Variants in PELI2 observed in about 807,000 individuals in gnomAD.
PELI2 encodes E3 ubiquitin-protein ligase pellino homolog 2.
PELI2 carries 23 observed loss-of-function variants against 42.3 expected under a neutral mutation model. That is an observed-to-expected ratio of 0.54 (90% CI 0.39 to 0.77). The LOEUF (loss-of-function observed/expected upper bound fraction) is 0.77. Among genes scored for constraint, PELI2 ranks in the 30% least tolerant of loss-of-function variants. The pLI is 0.00. For missense variants in PELI2, 463 were observed against 553.2 expected (o/e 0.84, Z 1.64); for synonymous variants, 245 against 212.2 (o/e 1.15, Z -1.34).
intron 2 of PELI2, among the ~76,000 whole-genome samples, chr14:56,239,190 T>C (rs1887893247): frequency 6.6e-6 from 1 of 152,246 alleles, no homozygotes; most frequent in African/African-American, 2.4e-5. Flanking sequence ...TGATATTTAT[T>C]GCCTGTCTTG....
chr14:56,281,165 T>A (rs901313442), intron 3 of PELI2, among the ~76,000 whole-genome samples: 1 of 152,118 alleles, frequency 6.6e-6, no homozygotes, highest in Non-Finnish European at 1.5e-5. Flanking sequence ...CTAACTTCAG[T>A]CATTTTTATA....
At chr14:56,270,583 A>T (rs1276657516) in intron 2 of PELI2, among the ~76,000 whole-genome samples, 1 of 152,240 alleles carries the variant, frequency 6.6e-6, no homozygotes, top group African/African-American at 2.4e-5. Context: ...TACAGTCAAT[A>T]TCTAGCATAT....
At chr14:56,157,829 A>C (rs982706973) in intron 1 of PELI2, among the ~76,000 whole-genome samples, 4 of 152,220 alleles carry the variant, frequency 2.6e-5, no homozygotes, top group African/African-American at 9.6e-5. Flanking sequence ...AGGAAAAGAC[A>C]CTGGAAGTAA....
At chr14:56,267,221 AATGT>A (rs1888939387) in intron 2 of PELI2, among the ~76,000 whole-genome samples, 2 of 152,236 alleles carry the variant, frequency 1.3e-5, no homozygotes, top group Admixed American at 1.3e-4. Flanking sequence ...AGAGATTATG[AATGT>A]TATAGTAATC....
chr14:56,228,162 C>A (rs1033422275), intron 2 of PELI2, among the ~76,000 whole-genome samples: 4 of 152,296 alleles, frequency 2.6e-5, no homozygotes, highest in Admixed American at 2.6e-4. Flanking sequence ...AGAACAATAG[C>A]CATGTATAAA....
intron 3 of PELI2, among the ~76,000 whole-genome samples, chr14:56,280,916 A>G (rs1248872641): frequency 6.6e-6 from 1 of 152,174 alleles, no homozygotes; most frequent in Non-Finnish European, 1.5e-5. Flanking sequence ...TATAATTCTC[A>G]GAAGAAGAAA....
rs1418666793 is a variant in PELI2 at position 56,298,563 on chromosome 14, T to C, written c.*1397T>C. ...GACCATTGCAGATTTGGGTGACTTT[T>C]TTTTAACCTTTGTACATATACGTAA... On this transcript the variant is annotated 3_prime_UTR_variant, in exon 6 of 6. Transcript: ENST00000267460. 6.5e-6 allele frequency: 1 copy of C among 152,680 alleles called. No individual in the cohort carries two copies. The highest frequency in any genetic ancestry group is 2.4e-5 in the African/African-American group (1 of 41,464). The allele number at this position is 152,680 out of a possible 1,614,324, so 9.5% of individuals were successfully genotyped here.
At position 56,262,156 on chromosome 14, in the gene PELI2, C is replaced by G. The variant is rs117341492; in HGVS notation, c.208-17520C>G. 7.3e-3 allele frequency among the ~76,000 whole-genome samples: 1,109 copies of G among 152,310 alleles called. 7 individuals are homozygous for G. The highest frequency in any genetic ancestry group is 0.013 in the Non-Finnish European group (864 of 68,022). On this transcript the variant is annotated intron_variant, in intron 2 of 5. Coordinates refer to ENST00000267460, the MANE Select transcript of PELI2 (RefSeq NM_021255.3). ...TTAAACTGCAATTTACAGGCAAAAT[C>G]CTAAGGCAAATCTGTCCTTTCATTT...
intron 1 of PELI2, among the ~76,000 whole-genome samples, chr14:56,122,910 A>G (rs1211690745): frequency 2.0e-5 from 3 of 152,186 alleles, no homozygotes; most frequent in Non-Finnish European, 4.4e-5. Context: ...TTTGTATTTT[A>G]TTTTGTATGT....
chr14:56,295,111 T>C (rs1889956728), intron 5 of PELI2, among the ~76,000 whole-genome samples: 1 of 152,158 alleles, frequency 6.6e-6, no homozygotes, highest in Admixed American at 6.5e-5. Flanking sequence ...CTAGTCCCTG[T>C]GCCTCTGTCT....
chr14:56,130,512 CTCAT>C (rs573006466), intron 1 of PELI2, among the ~76,000 whole-genome samples: 4 of 152,008 alleles, frequency 2.6e-5, no homozygotes, highest in South Asian at 2.1e-4. Context: ...TAAAACTTCA[CTCAT>C]TCAAAGAAGT....
intron 1 of PELI2, among the ~76,000 whole-genome samples, chr14:56,160,116 G>A (rs561371453): frequency 6.6e-6 from 1 of 152,092 alleles, no homozygotes; most frequent in Admixed American, 6.5e-5. Flanking sequence ...AATTAATAGG[G>A]ATTGGAATAA....
rs528416969 is a variant in PELI2 at position 56,158,262 on chromosome 14, C to T, written c.78-20073C>T. Among the ~76,000 whole-genome samples, 34 of 152,002 alleles carry T rather than the reference C, an allele frequency of 2.2e-4. 1 individual carries two copies. Among genetic ancestry groups the T allele is most frequent in the Admixed American group, 4.6e-4 (7 of 15,290 alleles). ...AGGCTGGTCTCGAACACCTGACCTCCGGTGATTTGCCTGCCTCAGCCTCCC... is the reference window on the plus strand; with the variant it reads ...AGGCTGGTCTCGAACACCTGACCTCTGGTGATTTGCCTGCCTCAGCCTCCC... On this transcript the variant is annotated intron_variant, in intron 1 of 5. Transcript: ENST00000267460.
intron 5 of PELI2, among the ~76,000 whole-genome samples, chr14:56,290,925 C>A (rs189430098): frequency 6.6e-6 from 1 of 152,186 alleles, no homozygotes; most frequent in Admixed American, 6.5e-5. Context: ...AGGCAGAATT[C>A]TCTATACTGT....
In PELI2 at chr14:56,290,369, C is replaced by T; in HGVS notation, c.609C>T (p.Ser203=). ...MHPRGGFTEE[S]QPGVWREISV... ...CACGAGGGGGCTTCACCGAGGAGTC[C>T]CAGCCCGGGGTCTGGCGCGAGATCT... The change falls in exon 5 of 6, where the codon TCC becomes TCT. Residue 203 remains serine, a synonymous_variant. Transcript: ENST00000267460. 6.2e-7 allele frequency: 1 copy of T among 1,613,832 alleles called. No individual in the cohort carries two copies. The highest frequency in any genetic ancestry group is 8.5e-7 in the Non-Finnish European group (1 of 1,179,788).
At chr14:56,215,499 C>A (rs868120335) in intron 2 of PELI2, among the ~76,000 whole-genome samples, 1 of 152,128 alleles carries the variant, frequency 6.6e-6, no homozygotes, top group East Asian at 1.9e-4. Flanking sequence ...TTAGGACTTA[C>A]TTATAGCTTT....
Position 56,178,354 on chromosome 14 carries a change from A to C in PELI2, c.97A>C (p.Asn33His), listed in dbSNP as rs534103965. 2 of 1,614,086 alleles carry C rather than the reference A, an allele frequency of 1.2e-6. No homozygotes were observed. The highest frequency in any genetic ancestry group is 2.2e-5 in the South Asian group (2 of 91,078). Residue 33 changes from asparagine to histidine, a missense_variant, in exon 2 of 6, where the codon AAT (asparagine) becomes CAT (histidine). Asn to His is a moderately conservative substitution (Grantham distance 68). Coordinates refer to ENST00000267460, the MANE Select transcript of PELI2 (RefSeq NM_021255.3). ...TTCTAGGTACAATGGTGCTTTACCC[A>C]ATGGAGATAGAGGACGGAGGAAAAG... ...VVLGYNGALP[N>H]GDRGRRKSRF... is the part of the protein sequence containing the mutation.
chr14:56,232,310 A>T (rs36190923), intron 2 of PELI2, among the ~76,000 whole-genome samples: 1 of 151,766 alleles, frequency 6.6e-6, no homozygotes, highest in Non-Finnish European at 1.5e-5. Flanking sequence ...CAACAAAAAA[A>T]GAGAATTTTA....
intron 1 of PELI2, among the ~76,000 whole-genome samples, chr14:56,139,824 C>G (rs1249414616): frequency 6.6e-6 from 1 of 151,602 alleles, no homozygotes; most frequent in Admixed American, 6.6e-5. Flanking sequence ...ATTCGGCAGT[C>G]TTTATAGCTG....
Sources: allele counts gnomAD v4.1 joint callset (sites outside exome capture counted in the v4.1 genomes callset), GRCh38; gene constraint gnomAD v4.1.1; transcripts MANE v1.5; gene names NCBI Gene and HGNC (gene_info 2026-07-23, HGNC 2026-07-21).